SYNDIG1: variants seen among roughly 807,000 people sequenced by gnomAD.
The protein encoded by SYNDIG1 is synapse differentiation inducing 1, also known as synapse differentiation-inducing gene protein 1.
Under a neutral mutation model 19.4 loss-of-function variants are expected in SYNDIG1, and 9 were observed. The ratio of observed to expected loss-of-function variants is 0.46; its 90% confidence interval spans 0.28 to 0.81. The LOEUF (loss-of-function observed/expected upper bound fraction) is 0.81, where lower values mean the gene tolerates loss of function less well. Among genes scored for constraint, SYNDIG1 ranks in the 30% least tolerant of loss-of-function variants. The pLI is 0.12. For missense variants in SYNDIG1, 311 were observed against 343.3 expected (o/e 0.91, Z 0.74); for synonymous variants, 141 against 145.9 (o/e 0.97, Z 0.24).
intron 1 of SYNDIG1, among the ~76,000 whole-genome samples, chr20:24,493,098 A>G (rs896265106): frequency 6.6e-6 from 1 of 152,256 alleles, no homozygotes. Flanking sequence ...TTTCTGCATA[A>G]GTCATTCTCT....
intron 3 of SYNDIG1, among the ~76,000 whole-genome samples, chr20:24,663,662 A>G (rs928791035): frequency 5.3e-5 from 8 of 152,300 alleles, no homozygotes; most frequent in Admixed American, 5.2e-4. Flanking sequence ...CAGATGTGTG[A>G]GCCCTCATGA....
intron 1 of SYNDIG1, among the ~76,000 whole-genome samples, chr20:24,475,204 ATTAAG>A (rs2055583860): frequency 6.6e-6 from 1 of 152,168 alleles, no homozygotes; most frequent in Admixed American, 6.5e-5. Flanking sequence ...TGCTAATGGG[ATTAAG>A]TCCTGGGACA....
intron 1 of SYNDIG1, among the ~76,000 whole-genome samples, chr20:24,483,096 G>A (rs965308664): frequency 6.6e-6 from 1 of 152,206 alleles, no homozygotes; most frequent in Non-Finnish European, 1.5e-5. Context: ...TCGGCTACAC[G>A]TTCACATTCA....
intron 1 of SYNDIG1, among the ~76,000 whole-genome samples, chr20:24,517,433 G>A (rs2056898876): frequency 6.7e-6 from 1 of 150,300 alleles, no homozygotes. Context: ...GGCTAACACG[G>A]TGAAACCCCA....
At chr20:24,534,008 TA>T (rs1210152465) in intron 1 of SYNDIG1, among the ~76,000 whole-genome samples, 1 of 152,136 alleles carries the variant, frequency 6.6e-6, no homozygotes, top group Non-Finnish European at 1.5e-5. Context: ...AGGAGGTTTT[TA>T]TTCATGGAAG....
At chr20:24,631,596 A>C (rs1000218743) in intron 3 of SYNDIG1, among the ~76,000 whole-genome samples, 1 of 152,210 alleles carries the variant, frequency 6.6e-6, no homozygotes, top group African/African-American at 2.4e-5. Flanking sequence ...TATCAGGGCT[A>C]CCCTGGGAAG....
Position 24,570,781 on chromosome 20 carries a change from G to T in SYNDIG1, c.481-14075G>T, listed in dbSNP as rs941388695. On this transcript the variant is annotated intron_variant, in intron 2 of 3. Transcript: ENST00000376862. ...TATGACCCAGCAATCCTACTCCAAG[G>T]TATTTGTGCTAAGGAAATAAAACCT... 2.6e-5 allele frequency among the ~76,000 whole-genome samples: 4 copies of T among 152,154 alleles called. No individual in the cohort carries two copies. The East Asian group carries it at 7.7e-4, about 29-fold the overall frequency.
In SYNDIG1 at chr20:24,469,754, G is replaced by T. The variant is rs1038474414; in HGVS notation, c.-79+1G>T. On this transcript the variant is annotated splice_donor_variant, in intron 1 of 3. Transcript: ENST00000376862. LOFTEE classifies it low-confidence loss of function (5UTR_SPLICE). ...CTTGCCGGGTCACCTTGTCCCGGAG[G>T]TAAGTCCAGACCTCCCGGCCGCGGG... is the stretch of plus-strand genomic sequence containing the variant. 1 of 151,820 alleles carries T rather than the reference G, an allele frequency of 6.6e-6. No individual in the cohort carries two copies. The highest frequency in any genetic ancestry group is 2.1e-4 in the South Asian group (1 of 4,836). The allele number at this position is 151,820 out of a possible 1,614,324, so 9.4% of individuals were successfully genotyped here. A position where few individuals can be genotyped will look rare whatever the true frequency, so the allele number is the denominator to read the frequency against.
chr20:24,552,015 G>C (rs1226249693), intron 2 of SYNDIG1, among the ~76,000 whole-genome samples: 2 of 152,294 alleles, frequency 1.3e-5, no homozygotes, highest in Admixed American at 1.3e-4. Flanking sequence ...CGTGTCTCCT[G>C]TTCTTTCTGT....
chr20:24,582,795 G>A (rs1011643784), intron 2 of SYNDIG1, among the ~76,000 whole-genome samples: 8 of 152,196 alleles, frequency 5.3e-5, no homozygotes, highest in Admixed American at 2.6e-4. Flanking sequence ...GCCTGGCTCC[G>A]TGGACAGAGG....
At chr20:24,665,186 G>T (rs2059636438) in intron 3 of SYNDIG1, among the ~76,000 whole-genome samples, 160 bp from the exon 4 acceptor site, 1 of 152,172 alleles carries the variant, frequency 6.6e-6, no homozygotes, top group Non-Finnish European at 1.5e-5. Flanking sequence ...TGCAGTTAAA[G>T]AACTGCCCTG....
intron 2 of SYNDIG1, among the ~76,000 whole-genome samples, chr20:24,560,132 G>A (rs1327607941): frequency 1.6e-5 from 2 of 127,350 alleles, no homozygotes; most frequent in Admixed American, 9.1e-5. Flanking sequence ...GCAGTGGCGC[G>A]ATCTCAGCTC....
chr20:24,511,217 A>C (rs1221971190), intron 1 of SYNDIG1, among the ~76,000 whole-genome samples: 2 of 152,190 alleles, frequency 1.3e-5, no homozygotes, highest in East Asian at 1.9e-4. Context: ...TTTCTCCATG[A>C]CACTTTAACT....
intron 3 of SYNDIG1, among the ~76,000 whole-genome samples, chr20:24,662,124 G>A (rs13041031): frequency 0.29 from 44,001 of 151,292 alleles, 7,282 homozygotes; most frequent in East Asian, 0.62. Context: ...GTGACCCAGC[G>A]GTGGTACGAG....
At chr20:24,529,985 G>T (rs1345168837) in intron 1 of SYNDIG1, among the ~76,000 whole-genome samples, 160 of 1,798 alleles carry the variant, frequency 0.089, no homozygotes, top group Admixed American at 0.14. Context: ...TGATGGTGGT[G>T]GTGATGGTGT....
intron 1 of SYNDIG1, among the ~76,000 whole-genome samples, chr20:24,523,699 T>C (rs759547321): frequency 5.6e-4 from 85 of 152,344 alleles, no homozygotes; most frequent in Admixed American, 1.2e-3. Flanking sequence ...ATGGAGTTCC[T>C]ATACACCTAT....
At chr20:24,639,713 A>C (rs775210008) in intron 3 of SYNDIG1, among the ~76,000 whole-genome samples, 14 of 152,244 alleles carry the variant, frequency 9.2e-5, no homozygotes, top group Admixed American at 1.3e-4. Context: ...GGGTGAAAAC[A>C]TCAGAAGCAA....
chr20:24,631,590 A>G (rs2059244861), intron 3 of SYNDIG1, among the ~76,000 whole-genome samples: 1 of 152,208 alleles, frequency 6.6e-6, no homozygotes, highest in African/African-American at 2.4e-5. Flanking sequence ...TTAGTTTATC[A>G]GGGCTACCCT....
intron 3 of SYNDIG1, among the ~76,000 whole-genome samples, chr20:24,618,947 C>T (rs1374660073): frequency 6.6e-6 from 1 of 152,086 alleles, no homozygotes; most frequent in South Asian, 2.1e-4. Flanking sequence ...CAAAAAATAT[C>T]ATCAAATAAT....
Sources: allele counts gnomAD v4.1 joint callset (sites outside exome capture counted in the v4.1 genomes callset), GRCh38; gene constraint gnomAD v4.1.1; transcripts MANE v1.5; gene names NCBI Gene and HGNC (gene_info 2026-07-23, HGNC 2026-07-21).